KDM2B: variants seen among roughly 807,000 people sequenced by gnomAD.
KDM2B encodes lysine-specific demethylase 2B.
In KDM2B, 26 loss-of-function variants were observed where a neutral mutation model predicts 150.0. The ratio of observed to expected loss-of-function variants is 0.17; its 90% CI spans 0.13 to 0.24. The LOEUF (loss-of-function observed/expected upper bound fraction) is 0.24, where lower values mean the gene tolerates loss of function less well. KDM2B is among the 10% of genes least tolerant of loss of function. The probability of loss-of-function intolerance (pLI) is 1.00; values close to 1 mark genes in which losing one functional copy is unlikely to be tolerated. For missense variants in KDM2B, 1,265 were observed against 1,816.9 expected (o/e 0.70, Z 5.52); for synonymous variants, 734 against 729.5 (o/e 1.01, Z -0.10).
At chr12:121,551,795 C>T (rs937471682) in intron 4 of KDM2B, among the ~76,000 whole-genome samples, 1 of 152,078 alleles carries the variant, frequency 6.6e-6, no homozygotes, top group Non-Finnish European at 1.5e-5. Flanking sequence ...TCAAGTGATC[C>T]GCCCGCCTCA....
chr12:121,482,845 G>A (rs782330189), intron 12 of KDM2B, among the ~76,000 whole-genome samples: 10 of 152,090 alleles, frequency 6.6e-5, no homozygotes, highest in Admixed American at 2.0e-4. Context: ...AGCAGTTTGC[G>A]TTGACAGGAT....
intron 10 of KDM2B, among the ~76,000 whole-genome samples, chr12:121,510,998 C>T (rs768427257): frequency 5.5e-4 from 82 of 150,400 alleles, no homozygotes; most frequent in South Asian, 1.5e-3. Context: ...GAGTTTCTTT[C>T]TTTTCTTTTG....
chr12:121,442,650 T>C lies in KDM2B; in HGVS notation c.2791A>G (p.Lys931Glu). The C allele has an allele frequency of 1.2e-6, 2 of 1,605,644 alleles. No homozygotes were observed. The highest frequency in any genetic ancestry group is 8.5e-7 in the Non-Finnish European group (1 of 1,178,600). The change falls in exon 19 of 23, where the codon AAG (lysine) becomes GAG (glutamate). Residue 931 changes from lysine (K) to glutamate (E), a missense_variant. Physicochemically the swap from Lys to Glu is moderately conservative, Grantham distance 56. This residue lies in a region of KDM2B where 418 missense variants were observed against 402.4 expected (regional missense o/e 1.04). Transcript: ENST00000377071. This position sits in a 1 kb window ranked among gnomAD's most constrained non-coding sequence, Gnocchi z 7.7. ...CGCTTCCGGCGCATCTTCACCTTCT[T>C]CTTCTCCTCCGGGCCCTCGGCCCCT... ...TEGAEGPEEK[K>E]KVKMRRKRRL... is the part of the protein sequence containing the mutation.
chr12:121,511,281 ATTT>A (rs35590443), intron 10 of KDM2B, among the ~76,000 whole-genome samples: 13 of 110,422 alleles, frequency 1.2e-4, no homozygotes, highest in Admixed American at 1.9e-4. Flanking sequence ...AATGCTAGGA[ATTT>A]TTTTTTTTTT....
chr12:121,575,728 A>G lies in KDM2B; in HGVS notation c.350+53T>C, dbSNP rs1891454946. On this transcript the variant is annotated intron_variant, in intron 3 of 22. Coordinates refer to ENST00000377071, the MANE Select transcript of KDM2B (RefSeq NM_032590.5). The surrounding 1 kb of genome is among the most constrained non-coding windows in gnomAD (Gnocchi z 4.4). Reference sequence around the variant, plus strand: ...TGGAAGAAATCCATCCCAAGCTATAAAGTATGTTAGGGAGGAAGACGGGGG... The same window carrying G: ...TGGAAGAAATCCATCCCAAGCTATAGAGTATGTTAGGGAGGAAGACGGGGG... The G allele has an allele frequency of 8.0e-7, 1 of 1,253,334 alleles. No homozygotes were observed. Among genetic ancestry groups the G allele is most frequent in the Non-Finnish European group, 1.2e-6 (1 of 851,080 alleles). 77.6% of individuals were successfully genotyped at this position (1,253,334 alleles called of 1,614,324 possible).
At chr12:121,524,795 T>G (rs1886994876) in intron 8 of KDM2B, 1 of 402,376 alleles carries the variant, frequency 2.5e-6, no homozygotes, top group Non-Finnish European at 5.0e-6. Context: ...ATCGACAATA[T>G]GAAGGCAATA....
chr12:121,465,362 T>A (rs1879741150), intron 12 of KDM2B, among the ~76,000 whole-genome samples: 1 of 152,146 alleles, frequency 6.6e-6, no homozygotes, highest in Non-Finnish European at 1.5e-5. Context: ...GCCTCCTGAT[T>A]AGCTGGGATT....
intron 1 of KDM2B, chr12:121,580,261 G>GT: frequency 8.2e-7 from 1 of 1,223,058 alleles, no homozygotes; most frequent in Non-Finnish European, 1.0e-6. Context: ...GTGGGGGGGG[G>GT]GAGGCGTCGA....
intron 2 of KDM2B, among the ~76,000 whole-genome samples, chr12:121,577,267 C>T (rs948486720): frequency 1.5e-4 from 23 of 152,138 alleles, no homozygotes; most frequent in African/African-American, 4.8e-4. Context: ...TCAAATCAGC[C>T]TGAGAAAAAG....
chr12:121,454,253 G>A (rs1809123423), intron 12 of KDM2B, among the ~76,000 whole-genome samples: 1 of 152,220 alleles, frequency 6.6e-6, no homozygotes, highest in African/African-American at 2.4e-5. Flanking sequence ...CTACGAGCCA[G>A]CCTGGCATGC....
intron 2 of KDM2B, among the ~76,000 whole-genome samples, chr12:121,576,395 G>A (rs1023341916): frequency 6.6e-5 from 10 of 152,100 alleles, no homozygotes; most frequent in African/African-American, 2.4e-4. Flanking sequence ...GGGAAAAGCC[G>A]GTTTCCCTGG....
At chr12:121,555,967 C>G (rs1318959220) in intron 4 of KDM2B, among the ~76,000 whole-genome samples, 1 of 151,648 alleles carries the variant, frequency 6.6e-6, no homozygotes, top group East Asian at 1.9e-4. Flanking sequence ...CACTCTCTCA[C>G]CTACACTGGA....
rs1886408437 is a variant in KDM2B at position 121,518,394 on chromosome 12, A to G, written c.1047+2591T>C. Among the ~76,000 whole-genome samples the G allele has an allele frequency of 6.6e-6, 1 of 152,082 alleles. No homozygotes were observed. Among genetic ancestry groups the G allele is most frequent in the South Asian group, 2.1e-4 (1 of 4,830 alleles). Reference sequence around the variant, plus strand: ...CCAAGTCCCTCTCTCAAGACCAGAAATCAAGGCAGATTAAACAACCTGCCG... The same window carrying G: ...CCAAGTCCCTCTCTCAAGACCAGAAGTCAAGGCAGATTAAACAACCTGCCG... On this transcript the variant is annotated intron_variant, in intron 9 of 22. Coordinates refer to ENST00000377071, the MANE Select transcript of KDM2B (RefSeq NM_032590.5). The surrounding 1 kb of genome is among the most constrained non-coding windows in gnomAD (Gnocchi z 4.4).
the KDM2B span, chr12:121,423,759 T>C: frequency 5.0e-6 from 3 of 594,296 alleles, no homozygotes; most frequent in Non-Finnish European, 8.7e-6. The surrounding 1 kb of genome is among the most constrained non-coding windows in gnomAD (Gnocchi z 4.3). Context: ...CGTGAGCCTG[T>C]CTGCCTGTGG....
chr12:121,565,873 C>G (rs1555314809), intron 4 of KDM2B, among the ~76,000 whole-genome samples: 1 of 151,974 alleles, frequency 6.6e-6, no homozygotes, highest in African/African-American at 2.4e-5. Context: ...GTGATCCACC[C>G]ATCTTGGCCT....
At chr12:121,556,074 G>A (rs567414160) in intron 4 of KDM2B, among the ~76,000 whole-genome samples, 7 of 151,924 alleles carry the variant, frequency 4.6e-5, no homozygotes, top group Middle Eastern at 3.4e-3. Flanking sequence ...CTACAAGAAC[G>A]CACCACCACG....
the KDM2B span, chr12:121,417,854 G>A: frequency 1.3e-5 from 21 of 1,614,092 alleles, no homozygotes; most frequent in South Asian, 3.3e-5. The surrounding 1 kb of genome is among the most constrained non-coding windows in gnomAD (Gnocchi z 5.0). Flanking sequence ...CTATGTCTTC[G>A]TTTCAGGGAG....
intron 12 of KDM2B, chr12:121,469,857 G>C (rs1333081506): frequency 6.6e-6 from 1 of 152,246 alleles, no homozygotes; most frequent in Non-Finnish European, 1.5e-5. Context: ...AGCACTTTGG[G>C]AGACTGAGGA....
chr12:121,522,835 C>G (rs970553732), intron 8 of KDM2B, among the ~76,000 whole-genome samples: 2 of 152,038 alleles, frequency 1.3e-5, no homozygotes, highest in Admixed American at 1.3e-4. Context: ...GAGACAGAGC[C>G]AAAAACAACA....
Sources: allele counts gnomAD v4.1 joint callset (sites outside exome capture counted in the v4.1 genomes callset), GRCh38; gene constraint gnomAD v4.1.1; regional missense constraint gnomAD v4.1.1; non-coding constraint Gnocchi (gnomAD v3.1); transcripts MANE v1.5; gene names NCBI Gene and HGNC (gene_info 2026-07-23, HGNC 2026-07-21).